TRIQK: variants seen among roughly 807,000 people sequenced by gnomAD.
The protein encoded by TRIQK is triple QxxK/R motif containing.
A neutral mutation model predicts 10.8 loss-of-function variants in TRIQK; 10 were observed. That is an observed-to-expected ratio of 0.92 (90% confidence interval 0.57 to 1.57). The LOEUF (loss-of-function observed/expected upper bound fraction) is 1.57, where lower values mean the gene tolerates loss of function less well. Ranked by LOEUF, TRIQK falls within the 40% of genes most tolerant of loss-of-function variation. The pLI is 0.00. For synonymous variants in TRIQK, 33 were observed against 33.7 expected (o/e 0.98, Z 0.07); for missense variants, 107 against 97.7 (o/e 1.09, Z -0.40).
intron 1 of TRIQK, among the ~76,000 whole-genome samples, chr8:92,988,958 T>C (rs950719378): frequency 7.2e-5 from 11 of 152,086 alleles, no homozygotes; most frequent in Non-Finnish European, 8.8e-5. Context: ...ACAGCAGGTA[T>C]GCAAAAACTA....
chr8:92,958,942 G>A (rs1586499969), intron 1 of TRIQK, among the ~76,000 whole-genome samples: 1 of 152,032 alleles, frequency 6.6e-6, no homozygotes, highest in Non-Finnish European at 1.5e-5. Context: ...TACTGTAAAA[G>A]CAGCCATAGA....
chr8:92,905,016 C>T (rs539999800), intron 3 of TRIQK, among the ~76,000 whole-genome samples: 83 of 152,280 alleles, frequency 5.5e-4, no homozygotes, highest in African/African-American at 1.9e-3. Context: ...ACACTCACAA[C>T]TTGATTATTA....
At chr8:92,894,058 A>G (rs1344033619) in intron 3 of TRIQK, among the ~76,000 whole-genome samples, 1 of 151,968 alleles carries the variant, frequency 6.6e-6, no homozygotes, top group East Asian at 1.9e-4. Flanking sequence ...TTTCAATTCA[A>G]CTCTCATATT....
intron 1 of TRIQK, among the ~76,000 whole-genome samples, chr8:92,997,648 A>G (rs1813166043): frequency 6.6e-6 from 1 of 152,078 alleles, no homozygotes. Context: ...GAGGACACTG[A>G]AAAAGGCACT....
At chr8:92,921,711 C>T (rs891522090) in intron 2 of TRIQK, 2 of 151,722 alleles carry the variant, frequency 1.3e-5, no homozygotes, top group Non-Finnish European at 3.0e-5. Context: ...ATACATTTTT[C>T]GCATTTATTT....
At chr8:93,016,971 C>G (rs2130766565) in intron 1 of TRIQK, among the ~76,000 whole-genome samples, 1 of 152,206 alleles carries the variant, frequency 6.6e-6, no homozygotes, top group Non-Finnish European at 1.5e-5. Flanking sequence ...ATGGATAGAA[C>G]TTAGTAACTT....
At chr8:93,003,338 G>C (rs1171357430) in intron 1 of TRIQK, among the ~76,000 whole-genome samples, 2 of 150,924 alleles carry the variant, frequency 1.3e-5, no homozygotes, top group African/African-American at 2.4e-5. Context: ...GAGAGAGAGA[G>C]AGCACAAAGG....
At chr8:93,004,925 C>T (rs1288363256) in intron 1 of TRIQK, among the ~76,000 whole-genome samples, 4 of 152,204 alleles carry the variant, frequency 2.6e-5, no homozygotes, top group African/African-American at 9.6e-5. Context: ...ATTTTGGCCA[C>T]AACCATTCAA....
At chr8:92,966,379 T>C (rs925030296), upstream of TRIQK, among the ~76,000 whole-genome samples, 8 of 152,202 alleles carry the variant, frequency 5.3e-5, no homozygotes, top group African/African-American at 1.9e-4. Flanking sequence ...TTATTTTGAT[T>C]ATTGAACCCT....
At chr8:92,982,158 ATT>A (rs1812993193) in intron 1 of TRIQK, among the ~76,000 whole-genome samples, 1 of 151,860 alleles carries the variant, frequency 6.6e-6, no homozygotes, top group Non-Finnish European at 1.5e-5. Flanking sequence ...AGAATTATTA[ATT>A]TTGTAAATTG....
At chr8:92,891,927 A>C (rs926619914) in intron 4 of TRIQK, 62 bp downstream of exon 4, 1 of 1,141,060 alleles carries the variant, frequency 8.8e-7, no homozygotes, top group African/African-American at 1.6e-5. Flanking sequence ...TATGCAATCC[A>C]GTTTTAGAAA....
Position 92,884,850 on chromosome 8 carries a change from G to C in TRIQK, c.*1772C>G, listed in dbSNP as rs912308152. 5 of 455,808 alleles carry C rather than the reference G, an allele frequency of 1.1e-5. No homozygotes were observed. The highest frequency in any genetic ancestry group is 2.2e-5 in the Non-Finnish European group (5 of 226,632). The allele number at this position is 455,808 out of a possible 1,614,324, so 28.2% of individuals were successfully genotyped here. A position where few individuals can be genotyped will look rare whatever the true frequency, so the allele number is the denominator to read the frequency against. ...TTCACGTAAATGTGATGGGAGTGGG[G>C]GGGTGGGGAGCAGTATTTCTTGACA... On this transcript the variant is annotated 3_prime_UTR_variant, in exon 5 of 5. Transcript: ENST00000521988.
intron 1 of TRIQK, among the ~76,000 whole-genome samples, chr8:92,954,900 G>T (rs1233034693): frequency 1.3e-5 from 2 of 151,692 alleles, no homozygotes. Flanking sequence ...CTAAAGTCAA[G>T]CATAAATGTA....
At chr8:92,952,532 G>A (rs1290622679) in intron 2 of TRIQK, among the ~76,000 whole-genome samples, 1 of 151,380 alleles carries the variant, frequency 6.6e-6, no homozygotes, top group Non-Finnish European at 1.5e-5. Context: ...AAAGAGATAA[G>A]AACAGAAGAA....
intron 1 of TRIQK, among the ~76,000 whole-genome samples, chr8:93,011,546 A>G (rs1029683743): frequency 7.2e-5 from 11 of 152,104 alleles, no homozygotes; most frequent in African/African-American, 2.7e-4. Context: ...ATCATCAAAG[A>G]ACAACACCAC....
At chr8:92,982,771 A>C (rs1795887485) in intron 1 of TRIQK, among the ~76,000 whole-genome samples, 1 of 152,042 alleles carries the variant, frequency 6.6e-6, no homozygotes, top group South Asian at 2.1e-4. Context: ...AAAGGGTCAC[A>C]TTATAACTCC....
At chr8:92,921,125 T>C (rs992295885) in intron 2 of TRIQK, among the ~76,000 whole-genome samples, 2 of 151,798 alleles carry the variant, frequency 1.3e-5, no homozygotes, top group East Asian at 3.9e-4. Flanking sequence ...ATAAAGCAGT[T>C]ATCCACTGCT....
chr8:92,900,625 C>A (rs541146703), intron 3 of TRIQK, among the ~76,000 whole-genome samples: 17 of 152,152 alleles, frequency 1.1e-4, no homozygotes, highest in Admixed American at 7.9e-4. Context: ...GAGTACCATG[C>A]TGTTTTGGTT....
intron 2 of TRIQK, among the ~76,000 whole-genome samples, chr8:92,937,453 T>C (rs1050721184): frequency 1.3e-5 from 2 of 151,906 alleles, no homozygotes; most frequent in African/African-American, 4.8e-5. Context: ...TTTTACCCAG[T>C]TGAAAACATG....
Sources: gnomAD v4.1 joint callset for allele counts (sites outside exome capture counted in the v4.1 genomes callset) on GRCh38, gnomAD v4.1.1 for gene constraint, MANE v1.5 for transcripts, NCBI Gene and HGNC (gene_info 2026-07-23, HGNC 2026-07-21) for gene names.